The following RBMS3 variants were observed in gnomAD, a reference collection of about 807,000 sequenced individuals.
The protein encoded by RBMS3 is RNA-binding motif, single-stranded-interacting protein 3.
RBMS3 carries 27 observed loss-of-function variants against 66.8 expected under a neutral mutation model. The observed-to-expected ratio is 0.40, with a 90% CI of 0.30 to 0.56. The LOEUF (loss-of-function observed/expected upper bound fraction) is 0.56. Among genes scored for constraint, RBMS3 ranks in the 20% least tolerant of loss-of-function variants. The pLI is 0.40. For missense variants in RBMS3, 513 were observed against 549.5 expected (o/e 0.93, Z 0.66); for synonymous variants, 188 against 183.0 (o/e 1.03, Z -0.22).
chr3:29,561,898 T>A (rs985561201), intron 3 of RBMS3, among the ~76,000 whole-genome samples: 3 of 152,254 alleles, frequency 2.0e-5, no homozygotes, highest in Admixed American at 6.5e-5. Context: ...GTTCATGTCC[T>A]TTGCCAACTT....
rs187842355 is a variant in RBMS3, at chr3:29,818,248, T to G, written c.638-50610T>G. 3.9e-5 allele frequency among the ~76,000 whole-genome samples: 6 copies of G among 152,230 alleles called. No individual in the cohort carries two copies. In the East Asian group the frequency reaches 1.2e-3, roughly 29 times the overall value. On this transcript the variant is annotated intron_variant, in intron 6 of 14. Coordinates refer to ENST00000383767, the MANE Select transcript of RBMS3 (RefSeq NM_001003793.3). ...CTAAGAAGTTGTGTAACTTTTCTCT[T>G]CTACTGACAGTATACCGCATTGTTT... is the stretch of plus-strand genomic sequence containing the variant.
intron 4 of RBMS3, among the ~76,000 whole-genome samples, chr3:29,599,369 A>G (rs986135215): frequency 2.6e-5 from 4 of 151,868 alleles, no homozygotes; most frequent in East Asian, 1.9e-4. Context: ...CTGTAAATAT[A>G]TAATCCTACT....
At chr3:29,337,251 TA>T (rs1176464586) in intron 1 of RBMS3, among the ~76,000 whole-genome samples, 1 of 152,100 alleles carries the variant, frequency 6.6e-6, no homozygotes, top group Non-Finnish European at 1.5e-5. Flanking sequence ...TACAAAATGT[TA>T]AAAAATTATC....
chr3:29,658,398 G>T (rs985382944), intron 4 of RBMS3, among the ~76,000 whole-genome samples: 1 of 152,126 alleles, frequency 6.6e-6, no homozygotes, highest in Non-Finnish European at 1.5e-5. Flanking sequence ...CTGAGATTCT[G>T]CATTTCTTAC....
chr3:29,683,785 A>G (rs989466716), intron 4 of RBMS3, among the ~76,000 whole-genome samples: 3 of 152,184 alleles, frequency 2.0e-5, no homozygotes. Context: ...AAAGCATGTT[A>G]TCTTTAAGAG....
At chr3:29,469,454 C>G (rs918400872) in intron 2 of RBMS3, among the ~76,000 whole-genome samples, 3 of 151,708 alleles carry the variant, frequency 2.0e-5, no homozygotes, top group Admixed American at 2.0e-4. Flanking sequence ...TTGGATAAAC[C>G]TAAGTGAAAA....
At chr3:29,998,173 A>C (rs1182984175) in intron 14 of RBMS3, among the ~76,000 whole-genome samples, 1 of 152,220 alleles carries the variant, frequency 6.6e-6, no homozygotes, top group Non-Finnish European at 1.5e-5. Context: ...CAATTGCTTC[A>C]AAGAGAATAA....
At chr3:29,735,321 T>C (rs1483021419) in intron 4 of RBMS3, among the ~76,000 whole-genome samples, 1 of 152,166 alleles carries the variant, frequency 6.6e-6, no homozygotes, top group Non-Finnish European at 1.5e-5. Context: ...AAGTAAATTA[T>C]TTACATATTT....
At chr3:29,801,419 C>A (rs1160149485) in intron 6 of RBMS3, among the ~76,000 whole-genome samples, 1 of 151,862 alleles carries the variant, frequency 6.6e-6, no homozygotes, top group Non-Finnish European at 1.5e-5. Context: ...AGGCACCCAC[C>A]ACCACACCTA....
chr3:29,327,559 T>C (rs1235236987), intron 1 of RBMS3, among the ~76,000 whole-genome samples: 1 of 152,190 alleles, frequency 6.6e-6, no homozygotes, highest in Non-Finnish European at 1.5e-5. Flanking sequence ...AATCTGGAAA[T>C]ATAATAGCTT....
At chr3:29,668,180 T>A (rs1217366172) in intron 4 of RBMS3, among the ~76,000 whole-genome samples, 1 of 152,194 alleles carries the variant, frequency 6.6e-6, no homozygotes, top group East Asian at 1.9e-4. Context: ...TTTACAAAAA[T>A]GTTAGGACTG....
chr3:29,696,779 G>A (rs1057349694), intron 4 of RBMS3, among the ~76,000 whole-genome samples: 5 of 152,090 alleles, frequency 3.3e-5, no homozygotes, highest in African/African-American at 1.2e-4. Flanking sequence ...TATTAATTCA[G>A]CTACCACTGT....
chr3:29,631,995 A>G (rs1019025070), intron 4 of RBMS3, among the ~76,000 whole-genome samples: 1 of 151,322 alleles, frequency 6.6e-6, no homozygotes, highest in Non-Finnish European at 1.5e-5. Flanking sequence ...CAGTGTGCAG[A>G]AAGTGTGTTT....
chr3:29,443,812 T>G (rs9882552), intron 2 of RBMS3, among the ~76,000 whole-genome samples: 94,210 of 151,820 alleles, frequency 0.62, 29,452 homozygotes, highest in Non-Finnish European at 0.64. Context: ...ATTTTGGAGA[T>G]AGTTTTGATA....
At chr3:29,704,591 G>A (rs557639690) in intron 4 of RBMS3, among the ~76,000 whole-genome samples, 37 of 152,232 alleles carry the variant, frequency 2.4e-4, no homozygotes, top group African/African-American at 8.9e-4. Flanking sequence ...GGATTATTGT[G>A]ATAAAATACA....
chr3:29,334,247 C>T (rs966006147), intron 1 of RBMS3, among the ~76,000 whole-genome samples: 6 of 152,046 alleles, frequency 3.9e-5, no homozygotes, highest in African/African-American at 1.4e-4. Context: ...TTCACAGTTC[C>T]GTTTGCAATA....
chr3:29,855,507 C>T (rs1472679977), intron 6 of RBMS3, among the ~76,000 whole-genome samples: 1 of 152,076 alleles, frequency 6.6e-6, no homozygotes, highest in African/African-American at 2.4e-5. Flanking sequence ...GAATATGCTG[C>T]CAAGCTGCAA....
chr3:29,320,355 AG>A (rs1303408183), intron 1 of RBMS3, among the ~76,000 whole-genome samples: 1 of 152,096 alleles, frequency 6.6e-6, no homozygotes, highest in African/African-American at 2.4e-5. Context: ...AATGCTCTAA[AG>A]GAATTTCATG....
At chr3:29,546,515 C>A (rs920638468) in intron 3 of RBMS3, among the ~76,000 whole-genome samples, 2 of 152,152 alleles carry the variant, frequency 1.3e-5, no homozygotes, top group African/African-American at 2.4e-5. Context: ...TGCTTATATG[C>A]ACCTAAAACA....
Sources: allele counts gnomAD v4.1 joint callset (sites outside exome capture counted in the v4.1 genomes callset), GRCh38; gene constraint gnomAD v4.1.1; transcripts MANE v1.5; gene names NCBI Gene and HGNC (gene_info 2026-07-23, HGNC 2026-07-21).